The following ZFAND3 variants were observed in gnomAD, a reference collection of about 807,000 sequenced individuals.
ZFAND3 encodes AN1-type zinc finger protein 3.
In ZFAND3, 10 loss-of-function variants were observed where a neutral mutation model predicts 29.6. The ratio of observed to expected loss-of-function variants is 0.34; its 90% CI spans 0.21 to 0.57. ZFAND3 has a LOEUF of 0.57. Among genes scored for constraint, ZFAND3 ranks in the 20% least tolerant of loss-of-function variants. ZFAND3 has a pLI of 0.86. For synonymous variants in ZFAND3, 128 were observed against 112.6 expected, an observed-to-expected ratio of 1.14 and a Z score of -0.87; for missense variants, 230 against 304.5, an observed-to-expected ratio of 0.76 and a Z score of 1.82.
At chr6:37,865,726 G>A (rs183031346) in intron 1 of ZFAND3, among the ~76,000 whole-genome samples, 34 of 152,316 alleles carry the variant, frequency 2.2e-4, no homozygotes, top group Middle Eastern at 3.4e-3. Context: ...GTGTTATAGC[G>A]TCACAGGTGC....
At chr6:37,957,201 A>G (rs1404861412) in intron 2 of ZFAND3, among the ~76,000 whole-genome samples, 1 of 152,204 alleles carries the variant, frequency 6.6e-6, no homozygotes, top group Non-Finnish European at 1.5e-5. Flanking sequence ...CTTTTCAGGA[A>G]TAACGCAAAT....
rs545411152 is a variant in ZFAND3, at chr6:38,123,178, G to A, written c.529+6439G>A. On this transcript the variant is annotated intron_variant, in intron 5 of 5. Coordinates refer to ENST00000287218, the MANE Select transcript of ZFAND3 (RefSeq NM_021943.3). ...TCTAGAGAGAATGTGAACTGATTGA[G>A]TCAAAAGGAATATGCATGTGTCACA... 6.6e-5 allele frequency among the ~76,000 whole-genome samples: 10 copies of A among 152,350 alleles called. 1 individual carries two copies. In the South Asian group the frequency reaches 2.1e-3, roughly 32 times the overall value.
rs554933313 is a variant in ZFAND3 at position 37,906,821 on chromosome 6, A to G, written c.72-23138A>G. On this transcript the variant is annotated intron_variant, in intron 1 of 5. Coordinates refer to ENST00000287218, the MANE Select transcript of ZFAND3 (RefSeq NM_021943.3). ...ACCTGTGATTTTTGACCATTCGTAT[A>G]TCTTCTTTGAAGAAATGGCTGTTCA... Among the ~76,000 whole-genome samples the G allele has an allele frequency of 1.3e-4, 20 of 151,676 alleles. No homozygotes were observed. In the East Asian group the frequency reaches 1.4e-3, roughly 10 times the overall value.
intron 1 of ZFAND3, among the ~76,000 whole-genome samples, chr6:37,893,742 C>T (rs1236079342): frequency 1.3e-5 from 2 of 151,932 alleles, no homozygotes; most frequent in Admixed American, 6.6e-5. Flanking sequence ...TTAGTAGAGA[C>T]GTGGTTTTAC....
chr6:37,843,586 T>C (rs568205580), intron 1 of ZFAND3, among the ~76,000 whole-genome samples: 1 of 152,334 alleles, frequency 6.6e-6, no homozygotes, highest in South Asian at 2.1e-4. Context: ...ATCTGAGAGC[T>C]AATAGGAGAA....
chr6:37,876,765 G>A (rs1011701818), intron 1 of ZFAND3, among the ~76,000 whole-genome samples: 2 of 152,142 alleles, frequency 1.3e-5, no homozygotes, highest in Non-Finnish European at 2.9e-5. Flanking sequence ...TATATTGATA[G>A]GAAAATAATG....
intron 1 of ZFAND3, among the ~76,000 whole-genome samples, chr6:37,900,762 C>T (rs929912689): frequency 6.6e-6 from 1 of 151,902 alleles, no homozygotes; most frequent in Non-Finnish European, 1.5e-5. Flanking sequence ...GTTGCAGAAT[C>T]GGGTGGGGCA....
chr6:37,918,951 CTT>C (rs66941014), intron 1 of ZFAND3, among the ~76,000 whole-genome samples: 7,299 of 104,454 alleles, frequency 0.07, 156 homozygotes, highest in Non-Finnish European at 0.095. Flanking sequence ...TGAAAAATGC[CTT>C]TTTTTTTTTT....
intron 1 of ZFAND3, among the ~76,000 whole-genome samples, chr6:37,926,456 T>C (rs759412140): frequency 3.0e-4 from 46 of 152,178 alleles, no homozygotes; most frequent in Non-Finnish European, 5.7e-4. Context: ...CATCTTCATG[T>C]GGCTGTTTAC....
At chr6:37,934,944 A>C (rs1420089647) in intron 2 of ZFAND3, among the ~76,000 whole-genome samples, 2 of 151,244 alleles carry the variant, frequency 1.3e-5, no homozygotes, top group African/African-American at 4.9e-5. Flanking sequence ...CTTCCCCGTC[A>C]GTCCCCCTTT....
intron 1 of ZFAND3, among the ~76,000 whole-genome samples, chr6:37,838,780 T>C (rs1316384609): frequency 6.6e-6 from 1 of 152,256 alleles, no homozygotes; most frequent in Non-Finnish European, 1.5e-5. Context: ...CTGTGAACAT[T>C]TGTTTACAAG....
chr6:38,039,752 A>G (rs1218637648), intron 2 of ZFAND3, among the ~76,000 whole-genome samples: 1 of 152,192 alleles, frequency 6.6e-6, no homozygotes, highest in African/African-American at 2.4e-5. Flanking sequence ...GAAAAGCACT[A>G]GGGAGGAGAA....
At chr6:37,949,482 C>T (rs1282517011) in intron 2 of ZFAND3, among the ~76,000 whole-genome samples, 1 of 152,136 alleles carries the variant, frequency 6.6e-6, no homozygotes, top group Non-Finnish European at 1.5e-5. Flanking sequence ...TCAATTCTGA[C>T]ACTATCTACC....
At chr6:37,956,751 A>G (rs1009756781) in intron 2 of ZFAND3, among the ~76,000 whole-genome samples, 5 of 152,166 alleles carry the variant, frequency 3.3e-5, no homozygotes, top group African/African-American at 9.7e-5. Flanking sequence ...AGGTTCATGA[A>G]TTTTATTGAG....
chr6:37,991,762 C>G (rs1177202442), intron 2 of ZFAND3, among the ~76,000 whole-genome samples: 1 of 152,162 alleles, frequency 6.6e-6, no homozygotes, highest in Non-Finnish European at 1.5e-5. Flanking sequence ...CACTGTGTGT[C>G]TGTCAGTTTT....
intron 4 of ZFAND3, among the ~76,000 whole-genome samples, chr6:38,101,216 C>T (rs2127477953): frequency 6.6e-6 from 1 of 152,318 alleles, no homozygotes; most frequent in South Asian, 2.1e-4. Context: ...TCCGATTTTT[C>T]AGCAGCTCAT....
chr6:37,988,632 C>T (rs1561957551), intron 2 of ZFAND3, among the ~76,000 whole-genome samples: 2 of 152,182 alleles, frequency 1.3e-5, no homozygotes, highest in Non-Finnish European at 2.9e-5. Flanking sequence ...GTCTTTGAAG[C>T]CAGCCTCATT....
intron 5 of ZFAND3, among the ~76,000 whole-genome samples, chr6:38,139,798 T>C (rs1765912694): frequency 6.6e-6 from 1 of 151,960 alleles, no homozygotes; most frequent in Non-Finnish European, 1.5e-5. Context: ...ACTGGTCTCT[T>C]TGACTAGGTG....
chr6:38,071,499 A>T (rs1219004882), intron 3 of ZFAND3, among the ~76,000 whole-genome samples: 3 of 152,164 alleles, frequency 2.0e-5, no homozygotes, highest in Non-Finnish European at 4.4e-5. Flanking sequence ...ACTATTACAT[A>T]AAGACATAGA....
Sources: allele counts gnomAD v4.1 joint callset (sites outside exome capture counted in the v4.1 genomes callset), GRCh38; gene constraint gnomAD v4.1.1; transcripts MANE v1.5; gene names NCBI Gene and HGNC (gene_info 2026-07-23, HGNC 2026-07-21).